FILIP1L: variants seen among roughly 807,000 people sequenced by gnomAD.
The protein encoded by FILIP1L is filamin A-interacting protein 1-like.
A neutral mutation model predicts 96.6 loss-of-function variants in FILIP1L; 55 were observed. That is an observed-to-expected ratio of 0.57 (90% CI 0.46 to 0.71). The LOEUF is 0.71. Ranked by LOEUF, FILIP1L falls within the 30% of genes least tolerant of loss-of-function variation. FILIP1L has a pLI of 0.00. For missense variants in FILIP1L, 1,304 were observed against 1,321.2 expected, an observed-to-expected ratio of 0.99 and a Z score of 0.20; for synonymous variants, 467 against 473.9, an observed-to-expected ratio of 0.99 and a Z score of 0.19.
chr3:99,872,311 G>GTGTGTGTGTGTGTT (rs1944836437), intron 4 of FILIP1L, among the ~76,000 whole-genome samples: 1 of 150,144 alleles, frequency 6.7e-6, no homozygotes, highest in Admixed American at 6.6e-5. Context: ...GTGTGTGTGT[G>GTGTGTGTGTGTGTT]TGTGTGTGTG....
At chr3:99,874,198 T>G (rs1051720697) in intron 4 of FILIP1L, 12 of 152,170 alleles carry the variant, frequency 7.9e-5, no homozygotes, top group African/African-American at 2.9e-4. Context: ...TAAAAGACAC[T>G]GGGAAACACA....
intron 1 of FILIP1L, among the ~76,000 whole-genome samples, chr3:100,100,782 T>C (rs1156453432): frequency 6.6e-6 from 1 of 152,160 alleles, no homozygotes; most frequent in African/African-American, 2.4e-5. Context: ...CTCGCAAGGT[T>C]AGTATCGCCT....
intron 4 of FILIP1L, among the ~76,000 whole-genome samples, chr3:99,852,739 G>A (rs1196175647): frequency 6.6e-6 from 1 of 151,994 alleles, no homozygotes; most frequent in Non-Finnish European, 1.5e-5. Flanking sequence ...CCACCGTGCC[G>A]GCTGAGAGAA....
At chr3:100,026,678 G>A (rs1458016458) in intron 1 of FILIP1L, among the ~76,000 whole-genome samples, 1 of 151,984 alleles carries the variant, frequency 6.6e-6, no homozygotes, top group East Asian at 1.9e-4. Flanking sequence ...AATCCTGTTG[G>A]CTCTATCCTC....
At chr3:99,838,617 T>G (rs1013946427) in intron 5 of FILIP1L, among the ~76,000 whole-genome samples, 1 of 152,160 alleles carries the variant, frequency 6.6e-6, no homozygotes, top group Admixed American at 6.5e-5. Context: ...ATTCAACTTA[T>G]AATGAATTTA....
At chr3:100,026,821 T>A (rs1342438302) in intron 1 of FILIP1L, among the ~76,000 whole-genome samples, 2 of 152,142 alleles carry the variant, frequency 1.3e-5, no homozygotes, top group African/African-American at 4.8e-5. Flanking sequence ...CTTTCTCTCC[T>A]GCAGCCAGAA....
intron 1 of FILIP1L, among the ~76,000 whole-genome samples, chr3:99,987,679 A>C (rs1709386126): frequency 6.6e-6 from 1 of 152,322 alleles, no homozygotes; most frequent in Admixed American, 6.5e-5. Flanking sequence ...AACATGACCC[A>C]AAGTCAGAAT....
Position 100,071,090 on chromosome 3 carries a change from CTTTTTTT to C in FILIP1L, c.-11+42956_-11+42962del, listed in dbSNP as rs61563009. On this transcript the variant is annotated intron_variant, in intron 1 of 5. Transcript: ENST00000477258. The stretch of plus-strand genomic sequence containing the variant: ...TTGTTTTTAAGAGAAGCTACTCTCT[CTTTTTTT>C]TTTTTTTTTTTTTTGGATGGATTAG... Among the ~76,000 whole-genome samples the C allele has an allele frequency of 9.5e-3, 669 of 70,590 alleles. 9 individuals carry two copies. The highest frequency in any genetic ancestry group is 0.032 in the African/African-American group (519 of 16,342). The allele number at this position is 70,590 out of a possible 152,430, so 46.3% of individuals were successfully genotyped here.
chr3:100,034,510 G>C (rs531165304), intron 1 of FILIP1L, among the ~76,000 whole-genome samples: 3 of 152,134 alleles, frequency 2.0e-5, no homozygotes, highest in Admixed American at 1.3e-4. Flanking sequence ...TAATCCAAAA[G>C]GTTCTTTGTG....
intron 1 of FILIP1L, among the ~76,000 whole-genome samples, chr3:99,949,704 A>G (rs1039131704): frequency 3.9e-5 from 6 of 152,262 alleles, no homozygotes; most frequent in Non-Finnish European, 7.3e-5. Context: ...AAAGGTGATT[A>G]GAGTTGCACA....
intron 5 of FILIP1L, among the ~76,000 whole-genome samples, chr3:99,833,540 A>G (rs1942774199): frequency 6.6e-6 from 1 of 152,246 alleles, no homozygotes; most frequent in Admixed American, 6.5e-5. Context: ...TACCAGAACA[A>G]AATCAGCATT....
intron 1 of FILIP1L, among the ~76,000 whole-genome samples, chr3:99,970,701 G>A (rs1708787719): frequency 6.6e-6 from 1 of 152,206 alleles, no homozygotes; most frequent in African/African-American, 2.4e-5. Context: ...TATGGGATAT[G>A]AACTGGGCTG....
In FILIP1L at chr3:99,849,550, T is replaced by G. The variant is rs199915987; in HGVS notation, c.2126A>C (p.Glu709Ala). The change falls in exon 5 of 6, where the codon GAA (glutamate) becomes GCA (alanine). Residue 709 changes from glutamate to alanine, a missense_variant. Coordinates refer to ENST00000477258, the MANE Select transcript of FILIP1L (RefSeq NM_001387850.1). ...QWLFKRLQEE[E>A]AKSGHLSREV... The stretch of plus-strand genomic sequence containing the variant: ...TCTTGAGAGGTGCCCTGACTTAGCT[T>G]CTTCTTCTTGAAGCCTTTTGAAAAG... The G allele has an allele frequency of 1.2e-4, 187 of 1,613,428 alleles. No individual in the cohort carries two copies. The highest frequency in any genetic ancestry group is 6.6e-4 in the Middle Eastern group (4 of 6,060).
Position 99,867,741 on chromosome 3 carries a change from C to G in FILIP1L, c.606-16671G>C, listed in dbSNP as rs1225989552. On this transcript the variant is annotated intron_variant, in intron 4 of 5. Transcript: ENST00000477258. Reference sequence around the variant, plus strand: ...TTTAGAGTCCTTTCCTCCCTTCTTTCCTATATAACACTGTATACAAATTCA... The same window carrying G: ...TTTAGAGTCCTTTCCTCCCTTCTTTGCTATATAACACTGTATACAAATTCA... Among the ~76,000 whole-genome samples the G allele has an allele frequency of 2.0e-5, 3 of 152,144 alleles. No individual in the cohort carries two copies. The East Asian group carries it at 5.8e-4, about 29-fold the overall frequency.
At chr3:99,995,181 G>T (rs936899432) in intron 1 of FILIP1L, among the ~76,000 whole-genome samples, 5 of 152,150 alleles carry the variant, frequency 3.3e-5, no homozygotes, top group African/African-American at 1.2e-4. Context: ...ATACAATGTG[G>T]GTACAGGTAT....
At chr3:99,978,605 G>A (rs561754788) in intron 1 of FILIP1L, among the ~76,000 whole-genome samples, 22 of 152,294 alleles carry the variant, frequency 1.4e-4, no homozygotes, top group African/African-American at 5.3e-4. Flanking sequence ...ATAGAAGTAG[G>A]GAGTAGAGGC....
chr3:99,919,196 GTGTTTAT>G (rs2107648314), intron 4 of FILIP1L, among the ~76,000 whole-genome samples: 1 of 152,014 alleles, frequency 6.6e-6, no homozygotes, highest in Admixed American at 6.6e-5. Context: ...TTAGTTTAAT[GTGTTTAT>G]TGATTTCTCC....
chr3:100,003,316 C>A (rs1440261954), intron 1 of FILIP1L, among the ~76,000 whole-genome samples: 1 of 152,202 alleles, frequency 6.6e-6, no homozygotes, highest in East Asian at 1.9e-4. Context: ...CAGTGTAGTG[C>A]AGTAAATACT....
chr3:100,032,832 A>G (rs368504360), intron 1 of FILIP1L, among the ~76,000 whole-genome samples: 1 of 152,174 alleles, frequency 6.6e-6, no homozygotes, highest in Non-Finnish European at 1.5e-5. Context: ...CAATGATAAC[A>G]TAATTAACTA....
Sources: gnomAD v4.1 joint callset for allele counts (sites outside exome capture counted in the v4.1 genomes callset) on GRCh38, gnomAD v4.1.1 for gene constraint, MANE v1.5 for transcripts, NCBI Gene and HGNC (gene_info 2026-07-23, HGNC 2026-07-21) for gene names.